NAV2: variants seen among roughly 807,000 people sequenced by gnomAD.
NAV2 encodes the protein helicase, APC down-regulated 1.
NAV2 carries 54 observed loss-of-function variants against 223.2 expected under a neutral mutation model. The ratio of observed to expected loss-of-function variants is 0.24; its 90% confidence interval spans 0.19 to 0.30. NAV2 has a LOEUF of 0.30. Ranked by LOEUF, NAV2 falls within the 10% of genes least tolerant of loss-of-function variation. The pLI is 1.00. For missense variants in NAV2, 2,806 were observed against 3,147.5 expected, an observed-to-expected ratio of 0.89 and a Z score of 2.60; for synonymous variants, 1,279 against 1,239.3, an observed-to-expected ratio of 1.03 and a Z score of -0.67.
rs142424395 is a variant in NAV2, at chr11:19,488,367, A to G, written c.75+137340A>G. ...GACTGTCATCCTTTATACTCACTCA[A>G]TGTGCAGGCATTGCTAAACAGGAAT... On this transcript the variant is annotated intron_variant, in intron 1 of 37. Transcript: ENST00000360655. Among the ~76,000 whole-genome samples the G allele has an allele frequency of 2.2e-3, 339 of 152,348 alleles. 1 individual carries two copies. The highest frequency in any genetic ancestry group is 3.8e-3 in the Non-Finnish European group (257 of 68,038).
At chr11:19,508,164 C>A (rs760914009) in intron 1 of NAV2, among the ~76,000 whole-genome samples, 1 of 152,038 alleles carries the variant, frequency 6.6e-6, no homozygotes, top group Non-Finnish European at 1.5e-5. Context: ...TGTGGACCAG[C>A]CTTGCTCTGT....
At chr11:20,049,250 A>G in intron 15 of NAV2, 55 bp downstream of exon 15, 1 of 1,297,988 alleles carries the variant, frequency 7.7e-7, no homozygotes, top group African/African-American at 1.5e-5. Context: ...CCAAAAATAA[A>G]AAGATTAGCT....
intron 36 of NAV2, among the ~76,000 whole-genome samples, chr11:20,114,081 C>T (rs189426407): frequency 8.0e-4 from 122 of 152,204 alleles, no homozygotes; most frequent in Admixed American, 3.2e-3. Flanking sequence ...TGCCCAGAAC[C>T]CAAGGTATGT....
intron 1 of NAV2, among the ~76,000 whole-genome samples, chr11:19,451,201 C>G (rs1003296933): frequency 6.6e-6 from 1 of 152,134 alleles, no homozygotes; most frequent in Admixed American, 6.5e-5. Flanking sequence ...CCCTCCATCT[C>G]CCCGTTGTTC....
In NAV2 at chr11:20,015,739, A is replaced by C. The variant is rs79634186; in HGVS notation, c.2769-20220A>C. ...TCAATATCCAGCTGATATTTTAAAG[A>C]GAACAATCACTGCAAATATAGGAGG... On this transcript the variant is annotated intron_variant, in intron 11 of 37. Transcript: ENST00000349880. Among the ~76,000 whole-genome samples the C allele has an allele frequency of 3.3e-3, 501 of 152,332 alleles. 2 individuals carry two copies. The highest frequency in any genetic ancestry group is 9.0e-3 in the Admixed American group (138 of 15,294).
intron 1 of NAV2, among the ~76,000 whole-genome samples, chr11:19,492,815 C>T (rs973646347): frequency 5.9e-5 from 9 of 152,098 alleles, no homozygotes; most frequent in Admixed American, 3.9e-4. Flanking sequence ...ATTCAATACT[C>T]GTATTATTAC....
Position 19,424,192 on chromosome 11 carries a change from C to T in NAV2, c.75+73165C>T, listed in dbSNP as rs184821742. Among the ~76,000 whole-genome samples, 199 of 152,304 alleles carry T rather than the reference C, an allele frequency of 1.3e-3. 1 individual carries two copies. The highest frequency in any genetic ancestry group is 4.5e-3 in the African/African-American group (185 of 41,572). ...ATTTTTGTGTAATAAGCTGTAAGCA[C>T]ATTAATATCAATGAGATACTTTCTG... On this transcript the variant is annotated intron_variant, in intron 1 of 37. Transcript: ENST00000360655.
intron 11 of NAV2, among the ~76,000 whole-genome samples, chr11:19,999,298 G>A (rs1470361247): frequency 1.3e-5 from 2 of 152,196 alleles, no homozygotes; most frequent in African/African-American, 2.4e-5. Context: ...CAAAAAAATC[G>A]GGTTATTCAT....
Position 19,880,095 on chromosome 11 carries a change from G to A in NAV2, c.738G>A (p.Gln246=), listed in dbSNP as rs1024992524. ...AGCCTCACCAGCCAGCGCCACATCAGCAGTCAAAAGCACAAGCTGAAATGC... is the reference window on the plus strand; with the variant it reads ...AGCCTCACCAGCCAGCGCCACATCAACAGTCAAAAGCACAAGCTGAAATGC... ...PCQPHQPAPH[Q]QSKAQAEMQS... is the part of the protein sequence containing the mutation. Residue 246 remains glutamine, a synonymous_variant, in exon 5 of 38, where the codon CAG becomes CAA. Coordinates refer to ENST00000349880, the MANE Select transcript of NAV2 (RefSeq NM_145117.5). 14 of 1,604,274 alleles carry A rather than the reference G, an allele frequency of 8.7e-6. No individual in the cohort carries two copies. Among genetic ancestry groups the A allele is most frequent in the African/African-American group, 5.4e-5 (4 of 74,670 alleles).
At chr11:20,083,931 G>T (rs2060252462) in intron 26 of NAV2, among the ~76,000 whole-genome samples, 1 of 152,226 alleles carries the variant, frequency 6.6e-6, no homozygotes, top group South Asian at 2.1e-4. Context: ...GCCCACTGAA[G>T]ACAGCATAAG....
intron 5 of NAV2, among the ~76,000 whole-genome samples, chr11:19,882,019 G>A (rs1284202189): frequency 6.6e-6 from 1 of 152,168 alleles, no homozygotes; most frequent in Admixed American, 6.5e-5. Context: ...TGGCACTCAG[G>A]CCCCGTCATA....
At chr11:19,491,789 C>T (rs886468223) in intron 1 of NAV2, among the ~76,000 whole-genome samples, 1 of 152,198 alleles carries the variant, frequency 6.6e-6, no homozygotes, top group African/African-American at 2.4e-5. Flanking sequence ...TTTAGCTTAT[C>T]TGGGCTTTCA....
At chr11:19,455,534 A>G (rs1156569255) in intron 1 of NAV2, among the ~76,000 whole-genome samples, 2 of 152,220 alleles carry the variant, frequency 1.3e-5, no homozygotes, top group Non-Finnish European at 2.9e-5. Flanking sequence ...AGGCAAGAAT[A>G]GCTACTAGAT....
At chr11:20,076,881 G>C (rs909354294) in intron 22 of NAV2, among the ~76,000 whole-genome samples, 1 of 152,196 alleles carries the variant, frequency 6.6e-6, no homozygotes. Flanking sequence ...TAACAGAAGT[G>C]TATAAAACTA....
intron 1 of NAV2, among the ~76,000 whole-genome samples, chr11:19,375,427 A>G (rs1179802441): frequency 6.6e-6 from 1 of 152,126 alleles, no homozygotes; most frequent in African/African-American, 2.4e-5. Context: ...CAATCTAGCA[A>G]AATTCTTTGG....
intron 1 of NAV2, among the ~76,000 whole-genome samples, chr11:19,658,229 CACAGCGAGTAAGTG>C (rs1046965340): frequency 2.0e-4 from 31 of 152,248 alleles, no homozygotes; most frequent in Admixed American, 1.8e-3. Context: ...CCTAGGATCA[CACAGCGAGTAAGTG>C]ACAGAGCCAG....
At chr11:19,798,174 A>G (rs1043765335) in intron 1 of NAV2, among the ~76,000 whole-genome samples, 1 of 152,180 alleles carries the variant, frequency 6.6e-6, no homozygotes, top group Non-Finnish European at 1.5e-5. Context: ...ACACCAGTTG[A>G]TGGTTCATCT....
At chr11:19,637,326 C>T (rs1188313348) in intron 1 of NAV2, among the ~76,000 whole-genome samples, 1 of 152,194 alleles carries the variant, frequency 6.6e-6, no homozygotes, top group Non-Finnish European at 1.5e-5. Flanking sequence ...GTATTCCCTT[C>T]CCTAGCTGCT....
chr11:19,943,317 C>G (rs1409685252), intron 8 of NAV2, among the ~76,000 whole-genome samples: 3 of 152,058 alleles, frequency 2.0e-5, no homozygotes, highest in Non-Finnish European at 2.9e-5. Flanking sequence ...AGACATTCAT[C>G]TTTGCTTTTT....
Sources: allele counts gnomAD v4.1 joint callset (sites outside exome capture counted in the v4.1 genomes callset), GRCh38; gene constraint gnomAD v4.1.1; transcripts MANE v1.5; gene names NCBI Gene and HGNC (gene_info 2026-07-23, HGNC 2026-07-21).